ZFYVE9: variants seen among roughly 807,000 people sequenced by gnomAD.
The protein encoded by ZFYVE9 is zinc finger FYVE-type containing 9.
A neutral mutation model predicts 126.7 loss-of-function variants in ZFYVE9; 43 were observed. The ratio of observed to expected loss-of-function variants is 0.34; its 90% CI spans 0.27 to 0.44. The LOEUF (loss-of-function observed/expected upper bound fraction) is 0.44. Ranked by LOEUF, ZFYVE9 falls within the 20% of genes least tolerant of loss-of-function variation. The pLI is 1.00. For synonymous variants in ZFYVE9, 521 were observed against 597.4 expected (o/e 0.87, Z 1.87); for missense variants, 1,476 against 1,697.0 (o/e 0.87, Z 2.29).
chr1:52,180,268 A>C, intron 1 of ZFYVE9: 1 of 1,601,142 alleles, frequency 6.2e-7, no homozygotes, highest in South Asian at 1.1e-5. Flanking sequence ...CCTGATGTCA[A>C]ATTTATCAAA....
At chr1:52,299,842 C>T (rs150395304) in intron 12 of ZFYVE9, among the ~76,000 whole-genome samples, 2 of 152,316 alleles carry the variant, frequency 1.3e-5, no homozygotes, top group Non-Finnish European at 2.9e-5. Flanking sequence ...CAAGATGGCA[C>T]CATGCTATGA....
intron 10 of ZFYVE9, among the ~76,000 whole-genome samples, chr1:52,289,074 A>C (rs1195250028): frequency 6.6e-6 from 1 of 152,182 alleles, no homozygotes; most frequent in African/African-American, 2.4e-5. Context: ...ATAGATATTT[A>C]AGTTATATTT....
In ZFYVE9 at chr1:52,142,942, C is replaced by G. The variant is rs535252766; in HGVS notation, c.-143+539C>G. On this transcript the variant is annotated intron_variant, in intron 1 of 18. Transcript: ENST00000287727. The surrounding 1 kb of genome is among the most constrained non-coding windows in gnomAD (Gnocchi z 4.5). ...GTGTCATTCATGGATCTGGCTTGCTCGAGAACAACCTTTTGCGTCTTATTT... is the reference window on the plus strand; with the variant it reads ...GTGTCATTCATGGATCTGGCTTGCTGGAGAACAACCTTTTGCGTCTTATTT... Among the ~76,000 whole-genome samples, 3 of 152,068 alleles carry G rather than the reference C, an allele frequency of 2.0e-5. No individual in the cohort carries two copies. The highest frequency in any genetic ancestry group is 2.9e-5 in the Non-Finnish European group (2 of 67,996).
At chr1:52,146,226 A>G (rs569998836) in intron 1 of ZFYVE9, among the ~76,000 whole-genome samples, 3 of 152,298 alleles carry the variant, frequency 2.0e-5, no homozygotes, top group Admixed American at 1.3e-4. Context: ...GCCATTTTAT[A>G]TAAGGGATTT....
At chr1:52,245,775 C>A (rs751792328) in intron 4 of ZFYVE9, among the ~76,000 whole-genome samples, 10 of 152,102 alleles carry the variant, frequency 6.6e-5, no homozygotes, top group African/African-American at 9.7e-5. Context: ...GAAACTGATA[C>A]GGTAGGACCC....
intron 13 of ZFYVE9, among the ~76,000 whole-genome samples, chr1:52,327,286 T>G (rs1646300080): frequency 6.6e-6 from 1 of 152,056 alleles, no homozygotes; most frequent in African/African-American, 2.4e-5. Flanking sequence ...ATGGTCACAT[T>G]AATGTCTCAC....
chr1:52,239,256 T>C lies in ZFYVE9; in HGVS notation c.1839T>C (p.Asn613=), dbSNP rs1336868744. ...FPANSGNNTK[N]KNDILGKAKL... is the part of the protein sequence containing the mutation. ...CAAACAGTGGAAATAATACTAAAAA[T>C]AAAAATGATATTCTTGGGAAAGCAA... Residue 613 remains asparagine, a synonymous_variant, in exon 4 of 19, where the codon AAT becomes AAC. Transcript: ENST00000287727. The C allele has an allele frequency of 1.2e-6, 2 of 1,613,916 alleles. No individual in the cohort carries two copies. Among genetic ancestry groups the C allele is most frequent in the African/African-American group, 2.7e-5 (2 of 74,908 alleles).
rs1644264667 is a variant in ZFYVE9, at chr1:52,142,219, G to A, written c.-327G>A. 1 of 151,454 alleles carries A rather than the reference G, an allele frequency of 6.6e-6. No homozygotes were observed. The highest frequency in any genetic ancestry group is 2.4e-5 in the African/African-American group (1 of 41,362). 9.4% of individuals were successfully genotyped at this position (151,454 alleles called of 1,614,324 possible). ...GCGTGGCTGCCGCGGCCCGGGCGCC[G>A]ATGCGGCTGGGCGGGTGCCGGGCCT... is the stretch of plus-strand genomic sequence containing the variant. On this transcript the variant is annotated 5_prime_UTR_variant, in exon 1 of 19. Coordinates refer to ENST00000287727, the MANE Select transcript of ZFYVE9 (RefSeq NM_004799.4). This position sits in a 1 kb window ranked among gnomAD's most constrained non-coding sequence, Gnocchi z 4.5.
chr1:52,311,440 T>G (rs1487515077), intron 13 of ZFYVE9, among the ~76,000 whole-genome samples: 1 of 152,010 alleles, frequency 6.6e-6, no homozygotes, highest in Non-Finnish European at 1.5e-5. Flanking sequence ...AATTTTTGTA[T>G]TTTTGGTAGA....
At chr1:52,222,131 T>C (rs529513793) in intron 2 of ZFYVE9, among the ~76,000 whole-genome samples, 13 of 152,342 alleles carry the variant, frequency 8.5e-5, no homozygotes, top group African/African-American at 3.1e-4. Context: ...CCTTAGGAAA[T>C]TTAGGAAGTT....
chr1:52,266,902 T>C (rs1645639293), intron 6 of ZFYVE9, 71 bp downstream of exon 6: 4 of 1,385,818 alleles, frequency 2.9e-6, no homozygotes, highest in Non-Finnish European at 3.9e-6. Flanking sequence ...GATATGACTT[T>C]ACAGCACAAG....
At chr1:52,188,999 A>T (rs1292640502) in intron 1 of ZFYVE9, among the ~76,000 whole-genome samples, 1 of 151,996 alleles carries the variant, frequency 6.6e-6, no homozygotes, top group Non-Finnish European at 1.5e-5. Context: ...GTGCAGTGGC[A>T]TGATCTCGGC....
Position 52,157,394 on chromosome 1 carries a change from C to CTTTTTTTT in ZFYVE9, c.-143+15008_-143+15015dup, listed in dbSNP as rs71579908. 3.7e-3 allele frequency among the ~76,000 whole-genome samples: 218 copies of CTTTTTTTT among 58,450 alleles called. 13 individuals are homozygous for CTTTTTTTT. Among genetic ancestry groups the CTTTTTTTT allele is most frequent in the Non-Finnish European group, 3.9e-3 (139 of 35,432 alleles). 38.3% of individuals were successfully genotyped at this position (58,450 alleles called of 152,430 possible). Reference sequence around the variant, plus strand: ...TTTTTTCCTTATGGCACCATATTCTCTTTTTTTTTTTTTTTTTTTTTTTTG... The same window carrying CTTTTTTTT: ...TTTTTTCCTTATGGCACCATATTCTCTTTTTTTTTTTTTTTTTTTTTTTTTTTTTTTTG... On this transcript the variant is annotated intron_variant, in intron 1 of 18. Coordinates refer to ENST00000287727, the MANE Select transcript of ZFYVE9 (RefSeq NM_004799.4).
At position 52,248,057 on chromosome 1, in the gene ZFYVE9, C is replaced by G. The variant is rs184260241; in HGVS notation, c.2178+8462C>G. On this transcript the variant is annotated intron_variant, in intron 4 of 18. Coordinates refer to ENST00000287727, the MANE Select transcript of ZFYVE9 (RefSeq NM_004799.4). Reference sequence around the variant, plus strand: ...AATAGGTAGGATATATGTATATATACGAGAGTTTATTAGGGAGAATCAACT... The same window carrying G: ...AATAGGTAGGATATATGTATATATAGGAGAGTTTATTAGGGAGAATCAACT... Among the ~76,000 whole-genome samples the G allele has an allele frequency of 5.9e-5, 9 of 152,082 alleles. No homozygotes were observed. The East Asian group carries it at 1.7e-3, about 29-fold the overall frequency.
At chr1:52,199,632 G>A (rs1469758917) in intron 1 of ZFYVE9, among the ~76,000 whole-genome samples, 1 of 152,186 alleles carries the variant, frequency 6.6e-6, no homozygotes, top group Admixed American at 6.5e-5. Context: ...GAATAAAGCT[G>A]CTATAAACAT....
At position 52,194,063 on chromosome 1, in the gene ZFYVE9, C is replaced by T. The variant is rs1182772386; in HGVS notation, c.-142-22306C>T. On this transcript the variant is annotated intron_variant, in intron 1 of 18. Transcript: ENST00000287727. ...AGCGAAGGTTGCAGTGAGCTGAGATCGTGGCACTGCACTCCAGTCTGGGCG... is the reference window on the plus strand; with the variant it reads ...AGCGAAGGTTGCAGTGAGCTGAGATTGTGGCACTGCACTCCAGTCTGGGCG... Among the ~76,000 whole-genome samples, 5 of 152,098 alleles carry T rather than the reference C, an allele frequency of 3.3e-5. No individual in the cohort carries two copies. In the South Asian group the frequency reaches 8.3e-4, roughly 25 times the overall value.
At chr1:52,266,587 T>C (rs1031504073) in intron 5 of ZFYVE9, 68 bp from the exon 6 acceptor site, 17 of 1,357,368 alleles carry the variant, frequency 1.3e-5, no homozygotes, top group Non-Finnish European at 1.6e-5. Context: ...ATTTATCCAA[T>C]ATTGTGGAGG....
chr1:52,319,321 G>A (rs755773627), intron 13 of ZFYVE9, among the ~76,000 whole-genome samples: 3 of 151,996 alleles, frequency 2.0e-5, no homozygotes, highest in Non-Finnish European at 4.4e-5. Context: ...AATACGAGTA[G>A]GCTTTTTTAT....
chr1:52,274,470 A>G lies in ZFYVE9; in HGVS notation c.2632A>G (p.Ile878Val). The G allele has an allele frequency of 6.2e-7, 1 of 1,607,810 alleles. No individual in the cohort carries two copies. The highest frequency in any genetic ancestry group is 1.7e-5 in the Admixed American group (1 of 59,932). Residue 878 changes from isoleucine (I) to valine (V), a missense_variant, in exon 8 of 19, where the codon ATT becomes GTT. Around this residue, in one of 2 missense-constraint regions of ZFYVE9, gnomAD observed 669 missense variants for 902.4 expected, o/e 0.74. Coordinates refer to ENST00000287727, the MANE Select transcript of ZFYVE9 (RefSeq NM_004799.4). ...TTSPLPAETD[I>V]CLFSGSITQV... is the part of the protein sequence containing the mutation. ...GTTGATTTGCTTTTCCTAGACGGAT[A>G]TTTGTCTATTCTCTGGGAGTATAAC...
Sources: allele counts gnomAD v4.1 joint callset (sites outside exome capture counted in the v4.1 genomes callset), GRCh38; gene constraint gnomAD v4.1.1; regional missense constraint gnomAD v4.1.1; non-coding constraint Gnocchi (gnomAD v3.1); transcripts MANE v1.5; gene names NCBI Gene and HGNC (gene_info 2026-07-23, HGNC 2026-07-21).